The following AGBL4 variants were observed in gnomAD, a reference collection of about 807,000 sequenced individuals.
The protein encoded by AGBL4 is cytosolic carboxypeptidase 6.
In AGBL4, 58 loss-of-function variants were observed where a neutral mutation model predicts 66.4. The observed-to-expected ratio is 0.87, with a 90% CI of 0.71 to 1.09. The LOEUF (loss-of-function observed/expected upper bound fraction) is 1.09. Ranked by LOEUF, AGBL4 falls within the 50% of genes least tolerant of loss-of-function variation. The pLI, the probability that AGBL4 is intolerant of heterozygous loss-of-function variation, is 0.00. For synonymous variants in AGBL4, 234 were observed against 222.9 expected, an observed-to-expected ratio of 1.05 and a Z score of -0.44; for missense variants, 579 against 631.0, an observed-to-expected ratio of 0.92 and a Z score of 0.88.
At position 49,487,939 on chromosome 1, in the gene AGBL4, C is replaced by T. The variant is rs373963861; in HGVS notation, c.282+209374G>A. ...CAAAGATATCAGGGATAATTGAAAC[C>T]AAGTGCTCCAATACGTAAACATTAG... On this transcript the variant is annotated intron_variant, in intron 3 of 13. Coordinates refer to ENST00000371839, the MANE Select transcript of AGBL4 (RefSeq NM_032785.4). 1.4e-4 allele frequency among the ~76,000 whole-genome samples: 22 copies of T among 151,904 alleles called. No homozygotes were observed. The East Asian group carries it at 3.5e-3, about 24-fold the overall frequency.
chr1:49,327,284 C>T (rs1032420014), intron 3 of AGBL4, among the ~76,000 whole-genome samples: 3 of 152,170 alleles, frequency 2.0e-5, no homozygotes, highest in Non-Finnish European at 4.4e-5. Flanking sequence ...AATCATGTCA[C>T]ATCACCTCTT....
downstream of AGBL4, among the ~76,000 whole-genome samples, chr1:48,532,124 T>G (rs1003718244): frequency 1.2e-4 from 18 of 152,172 alleles, no homozygotes; most frequent in Non-Finnish European, 4.4e-5. Context: ...AGTCTCCTCA[T>G]TCCTTTCTAA....
chr1:49,504,587 C>T (rs942418578), intron 3 of AGBL4, among the ~76,000 whole-genome samples: 2 of 152,128 alleles, frequency 1.3e-5, no homozygotes, highest in Admixed American at 1.3e-4. Context: ...TCTCTCATTA[C>T]ATAATGTCTT....
intron 3 of AGBL4, among the ~76,000 whole-genome samples, chr1:49,598,682 A>G (rs146635217): frequency 0.053 from 8,091 of 152,122 alleles, 243 homozygotes; most frequent in African/African-American, 0.071. Flanking sequence ...GACCCACTTG[A>G]GGAGGCAGTC....
intron 2 of AGBL4, among the ~76,000 whole-genome samples, chr1:49,730,843 A>G (rs1649389116): frequency 6.6e-6 from 1 of 152,210 alleles, no homozygotes; most frequent in Non-Finnish European, 1.5e-5. Flanking sequence ...AGTGGCACAG[A>G]ACAAATCCTG....
chr1:49,395,965 A>G (rs1381718163), intron 3 of AGBL4, among the ~76,000 whole-genome samples: 1 of 150,828 alleles, frequency 6.6e-6, no homozygotes, highest in Non-Finnish European at 1.5e-5. Flanking sequence ...GAAGGTAGGA[A>G]GACACTCTGT....
intron 5 of AGBL4, among the ~76,000 whole-genome samples, chr1:48,949,127 G>A (rs749784764): frequency 2.4e-4 from 37 of 152,276 alleles, no homozygotes; most frequent in African/African-American, 8.7e-4. Context: ...AGGAAAAAAG[G>A]GTTGAAAATC....
intron 8 of AGBL4, among the ~76,000 whole-genome samples, chr1:48,644,013 G>A (rs1286336696): frequency 6.6e-6 from 1 of 152,010 alleles, no homozygotes. Context: ...CAATAATAAA[G>A]CTAATATTTT....
At chr1:49,348,245 T>C (rs1259605345) in intron 3 of AGBL4, among the ~76,000 whole-genome samples, 2 of 151,906 alleles carry the variant, frequency 1.3e-5, no homozygotes, top group East Asian at 3.9e-4. Context: ...GGTGAACCCC[T>C]GTCTCTACTA....
At chr1:49,944,457 A>T (rs1458409490) in intron 1 of AGBL4, among the ~76,000 whole-genome samples, 1 of 152,116 alleles carries the variant, frequency 6.6e-6, no homozygotes, top group Non-Finnish European at 1.5e-5. Flanking sequence ...CAAGGAGAGA[A>T]ATAACAATCA....
intron 6 of AGBL4, chr1:48,817,849 T>G (rs888839833): frequency 1.1e-4 from 64 of 597,624 alleles, no homozygotes; most frequent in African/African-American, 9.5e-4. Flanking sequence ...CTCATACCCC[T>G]TCCCAGTGTG....
intron 6 of AGBL4, among the ~76,000 whole-genome samples, chr1:48,672,504 G>A (rs534512027): frequency 6.6e-6 from 1 of 152,182 alleles, no homozygotes; most frequent in Non-Finnish European, 1.5e-5. Context: ...CCCCTCCAAT[G>A]GTTTTATTGT....
intron 1 of AGBL4, among the ~76,000 whole-genome samples, chr1:49,909,987 A>C (rs1019987681): frequency 4.6e-5 from 7 of 152,300 alleles, no homozygotes; most frequent in Non-Finnish European, 8.8e-5. Flanking sequence ...TATTAAGTTG[A>C]GAGTTTCATA....
intron 1 of AGBL4, among the ~76,000 whole-genome samples, chr1:49,986,731 G>C (rs914462783): frequency 6.6e-6 from 1 of 151,916 alleles, no homozygotes; most frequent in East Asian, 1.9e-4. Flanking sequence ...CTCTTTAAAA[G>C]CCAAATCTTT....
At chr1:49,233,605 G>C (rs544510361) in intron 4 of AGBL4, among the ~76,000 whole-genome samples, 1 of 152,264 alleles carries the variant, frequency 6.6e-6, no homozygotes, top group South Asian at 2.1e-4. Context: ...TTTGATGGCA[G>C]GTAACATATG....
At chr1:49,214,648 T>C (rs1557735783) in intron 4 of AGBL4, among the ~76,000 whole-genome samples, 1 of 152,070 alleles carries the variant, frequency 6.6e-6, no homozygotes, top group Non-Finnish European at 1.5e-5. Context: ...ACCATGCAAA[T>C]TGCTTAGGTT....
intron 3 of AGBL4, among the ~76,000 whole-genome samples, chr1:49,559,441 G>T (rs1643981629): frequency 6.6e-6 from 1 of 152,118 alleles, no homozygotes; most frequent in Non-Finnish European, 1.5e-5. Flanking sequence ...TTGATTGAAG[G>T]ATGCAAAGTA....
intron 3 of AGBL4, among the ~76,000 whole-genome samples, chr1:49,520,155 G>A (rs1021788598): frequency 3.9e-5 from 6 of 151,974 alleles, no homozygotes; most frequent in African/African-American, 1.2e-4. Flanking sequence ...ATCTTTGGAA[G>A]GCTATGATTA....
chr1:49,142,646 C>T (rs1646141654), intron 4 of AGBL4, among the ~76,000 whole-genome samples: 2 of 151,988 alleles, frequency 1.3e-5, no homozygotes, highest in Admixed American at 1.3e-4. Flanking sequence ...GTGTTAGGGC[C>T]ATGACATTTA....
Sources: allele counts gnomAD v4.1 joint callset (sites outside exome capture counted in the v4.1 genomes callset), GRCh38; gene constraint gnomAD v4.1.1; transcripts MANE v1.5; gene names NCBI Gene and HGNC (gene_info 2026-07-23, HGNC 2026-07-21).